The following DNM2 variants were observed in gnomAD, a reference collection of about 807,000 sequenced individuals.
DNM2 encodes dynamin-2.
Under a neutral mutation model 99.0 loss-of-function variants are expected in DNM2, and 15 were observed. That is an observed-to-expected ratio of 0.15 (90% CI 0.10 to 0.23). The LOEUF is 0.23. Among genes scored for constraint, DNM2 ranks in the 10% least tolerant of loss-of-function variants. DNM2 has a pLI of 1.00. For synonymous variants in DNM2, 525 were observed against 481.2 expected (o/e 1.09, Z -1.19); for missense variants, 742 against 1,189.4 (o/e 0.62, Z 5.53).
intron 1 of DNM2, among the ~76,000 whole-genome samples, chr19:10,720,344 C>G (rs918651368): frequency 1.3e-5 from 2 of 151,688 alleles, no homozygotes; most frequent in African/African-American, 2.4e-5. Context: ...TCCCGAGTAG[C>G]TGGGATTACA....
At chr19:10,807,370 G>T (rs975834361) in intron 13 of DNM2, among the ~76,000 whole-genome samples, 1 of 151,928 alleles carries the variant, frequency 6.6e-6, no homozygotes, top group Admixed American at 6.6e-5. Flanking sequence ...CTCCTGAGTA[G>T]CTGGGATTAC....
chr19:10,778,562 A>G (rs1419520197), intron 5 of DNM2, among the ~76,000 whole-genome samples: 1 of 152,026 alleles, frequency 6.6e-6, no homozygotes, highest in Non-Finnish European at 1.5e-5. Context: ...TGAGGTGGGA[A>G]GATTGCTTGA....
chr19:10,803,717 C>T (rs898444163), intron 12 of DNM2: 18 of 985,634 alleles, frequency 1.8e-5, no homozygotes, highest in African/African-American at 1.0e-4. Flanking sequence ...GAACGGGGTA[C>T]GCCCTGGCTG....
At chr19:10,825,380 C>T (rs1400144774) in intron 18 of DNM2, among the ~76,000 whole-genome samples, 159 bp downstream of exon 18, 3 of 148,242 alleles carry the variant, frequency 2.0e-5, no homozygotes, top group Non-Finnish European at 3.0e-5. Context: ...ACTAAAAATA[C>T]AAAAATTAGG....
At chr19:10,773,149 T>C (rs1321367080) in intron 3 of DNM2, among the ~76,000 whole-genome samples, 16 of 144,064 alleles carry the variant, frequency 1.1e-4, no homozygotes, top group African/African-American at 3.8e-4. Context: ...CCAGCTAATT[T>C]TTTTTTTTTT....
intron 2 of DNM2, among the ~76,000 whole-genome samples, chr19:10,768,400 G>A (rs1341168765): frequency 1.3e-5 from 2 of 152,184 alleles, no homozygotes; most frequent in African/African-American, 4.8e-5. Context: ...TTTGCAGTGA[G>A]CCGAGATTGC....
At chr19:10,751,760 G>A (rs1045318713) in intron 1 of DNM2, among the ~76,000 whole-genome samples, 4 of 152,262 alleles carry the variant, frequency 2.6e-5, no homozygotes, top group Non-Finnish European at 5.9e-5. Context: ...TCTCCCCTGA[G>A]AGCTGCGTCT....
chr19:10,830,240 C>G lies in DNM2; in HGVS notation c.2405C>G (p.Ala802Gly). ...ATTCCTGTTCCCGTGGGGGCAGCAG[C>G]CTCCTTCTCGGCGCCCCCAATCCCA... ...PLIPVPVGAA[A>G]SFSAPPIPSR... Residue 802 changes from alanine to glycine, a missense_variant, in exon 20 of 21, where the codon GCC (alanine) becomes GGC (glycine). Ala to Gly is a moderately conservative substitution (Grantham distance 60, BLOSUM62 0). This residue lies in a region of DNM2 where 187 missense variants were observed against 218.8 expected (regional missense o/e 0.85). Coordinates refer to ENST00000389253, the MANE Select transcript of DNM2 (RefSeq NM_001005361.3). The surrounding 1 kb of genome is among the most constrained non-coding windows in gnomAD (Gnocchi z 4.8). 6.2e-7 allele frequency: 1 copy of G among 1,614,002 alleles called. No individual in the cohort carries two copies. The highest frequency in any genetic ancestry group is 8.5e-7 in the Non-Finnish European group (1 of 1,179,930).
At chr19:10,809,415 G>A (rs1051029286) in intron 14 of DNM2, 1 of 152,328 alleles carries the variant, frequency 6.6e-6, no homozygotes, top group Non-Finnish European at 1.5e-5. Context: ...CAGTGCTTCA[G>A]GTATCTTGTA....
chr19:10,742,277 C>G (rs1454513743), intron 1 of DNM2, among the ~76,000 whole-genome samples: 2 of 152,154 alleles, frequency 1.3e-5, no homozygotes, highest in African/African-American at 2.4e-5. Flanking sequence ...GCCAGGCCCA[C>G]CAGGAAAGGC....
intron 5 of DNM2, among the ~76,000 whole-genome samples, chr19:10,779,571 A>C (rs1398627009): frequency 8.0e-6 from 1 of 125,356 alleles, no homozygotes; most frequent in Non-Finnish European, 1.6e-5. Flanking sequence ...GCACTGGGAC[A>C]ATCATAGCTC....
rs1382688319 is a variant in DNM2, at chr19:10,830,273, C to T, written c.2438C>T (p.Pro813Leu). Residue 813 changes from proline (P) to leucine (L), a missense_variant, in exon 20 of 21, where the codon CCT becomes CTT. Coordinates refer to ENST00000389253, the MANE Select transcript of DNM2 (RefSeq NM_001005361.3). This position sits in a 1 kb window ranked among gnomAD's most constrained non-coding sequence, Gnocchi z 4.8. Reference protein sequence around the residue: ...SFSAPPIPSRPGPQSVFANSD... With the variant: ...SFSAPPIPSRLGPQSVFANSD... ...TCGGCGCCCCCAATCCCATCCCGGC[C>T]TGGACCCCAGAGCGTGTTTGCCAAC... 6.2e-7 allele frequency: 1 copy of T among 1,613,982 alleles called. No homozygotes were observed. The highest frequency in any genetic ancestry group is 8.5e-7 in the Non-Finnish European group (1 of 1,179,934).
intron 18 of DNM2, among the ~76,000 whole-genome samples, chr19:10,826,171 G>A (rs1023643326): frequency 3.3e-5 from 5 of 152,324 alleles, no homozygotes; most frequent in East Asian, 1.9e-4. Context: ...TAACTGGAGT[G>A]AACACTGCAG....
At chr19:10,769,948 C>G (rs746811309) in intron 2 of DNM2, among the ~76,000 whole-genome samples, 6 of 152,228 alleles carry the variant, frequency 3.9e-5, no homozygotes, top group Non-Finnish European at 7.3e-5. Context: ...GAGCCATTAC[C>G]TGAAGCCAGA....
In DNM2 at chr19:10,830,472, C is replaced by A; in HGVS notation, c.2543+94C>A. On this transcript the variant is annotated intron_variant, in intron 20 of 20. Coordinates refer to ENST00000389253, the MANE Select transcript of DNM2 (RefSeq NM_001005361.3). This position sits in a 1 kb window ranked among gnomAD's most constrained non-coding sequence, Gnocchi z 4.8. ...CTCCCAGTGAGCTCTCACTACGTGCCCAGCTGCTGGAGTGGAGGAATCGTC... is the reference window on the plus strand; with the variant it reads ...CTCCCAGTGAGCTCTCACTACGTGCACAGCTGCTGGAGTGGAGGAATCGTC... The A allele has an allele frequency of 1.4e-6, 2 of 1,403,744 alleles. No homozygotes were observed. Among genetic ancestry groups the A allele is most frequent in the South Asian group, 2.5e-5 (2 of 80,900 alleles). 87.0% of individuals were successfully genotyped at this position (1,403,744 alleles called of 1,614,324 possible).
intron 1 of DNM2, among the ~76,000 whole-genome samples, chr19:10,744,733 TTA>T (rs1195934209): frequency 6.6e-6 from 1 of 152,106 alleles, no homozygotes; most frequent in African/African-American, 2.4e-5. Flanking sequence ...CACAACCGTT[TTA>T]CAGAGCAGGA....
Position 10,817,869 on chromosome 19 carries a change from T to C in DNM2, c.1672-2111T>C, listed in dbSNP as rs2072817914. ...CAGCACCAGGAAGGCGGCCACTGAT[T>C]TCTCGGCGGAATCGCACTGTAAACA... is the stretch of plus-strand genomic sequence containing the variant. On this transcript the variant is annotated intron_variant, in intron 15 of 20. Transcript: ENST00000389253. The surrounding 1 kb of genome is among the most constrained non-coding windows in gnomAD (Gnocchi z 4.6). Among the ~76,000 whole-genome samples the C allele has an allele frequency of 6.6e-6, 1 of 151,612 alleles. No homozygotes were observed. Among genetic ancestry groups the C allele is most frequent in the Non-Finnish European group, 1.5e-5 (1 of 67,818 alleles).
chr19:10,827,919 G>T (rs1599636491), intron 18 of DNM2, among the ~76,000 whole-genome samples: 1 of 152,208 alleles, frequency 6.6e-6, no homozygotes, highest in South Asian at 2.1e-4. Flanking sequence ...CCAGTAGGAG[G>T]TTCCAGAAAG....
At chr19:10,718,458 G>T in intron 1 of DNM2, 55 bp downstream of exon 1, 1 of 1,326,810 alleles carries the variant, frequency 7.5e-7, no homozygotes, top group Non-Finnish European at 9.6e-7. Context: ...CGCGGAGGGC[G>T]GACCGGGAAT....
Sources: allele counts gnomAD v4.1 joint callset (sites outside exome capture counted in the v4.1 genomes callset), GRCh38; gene constraint gnomAD v4.1.1; regional missense constraint gnomAD v4.1.1; non-coding constraint Gnocchi (gnomAD v3.1); transcripts MANE v1.5; gene names NCBI Gene and HGNC (gene_info 2026-07-23, HGNC 2026-07-21).